The following BIN3 variants were observed in gnomAD, a reference collection of about 807,000 sequenced individuals.
BIN3 encodes bridging integrator 3.
A neutral mutation model predicts 38.2 loss-of-function variants in BIN3; 41 were observed. The ratio of observed to expected loss-of-function variants is 1.07; its 90% CI spans 0.84 to 1.39. The LOEUF is 1.39. BIN3 is among the 40% of genes most tolerant of loss of function. The probability of loss-of-function intolerance (pLI) is 0.00; values close to 1 mark genes in which losing one functional copy is unlikely to be tolerated. For missense variants in BIN3, 361 were observed against 324.3 expected (o/e 1.11, Z -0.87); for synonymous variants, 145 against 122.6 (o/e 1.18, Z -1.21).
intron 1 of BIN3, among the ~76,000 whole-genome samples, chr8:22,645,695 T>C (rs1257638193): frequency 6.6e-6 from 1 of 152,116 alleles, no homozygotes; most frequent in Non-Finnish European, 1.5e-5. Flanking sequence ...ACAGACTCAC[T>C]GTAATAGCTA....
intron 1 of BIN3, among the ~76,000 whole-genome samples, chr8:22,653,269 T>C (rs944681953): frequency 6.6e-6 from 1 of 152,244 alleles, no homozygotes; most frequent in Non-Finnish European, 1.5e-5. Flanking sequence ...TTTGCTCCTC[T>C]TCTTCATTAA....
At chr8:22,623,792 T>C (rs1801918070) in intron 8 of BIN3, 123 bp downstream of exon 8, 1 of 1,276,018 alleles carries the variant, frequency 7.8e-7, no homozygotes. Context: ...CCTTCAGGGC[T>C]TTGCCTGGGG....
chr8:22,658,927 G>A (rs1041202645), intron 1 of BIN3, among the ~76,000 whole-genome samples: 7 of 152,218 alleles, frequency 4.6e-5, no homozygotes, highest in South Asian at 4.1e-4. Flanking sequence ...GAAGGTGGGC[G>A]AGAGGCAGCA....
intron 1 of BIN3, among the ~76,000 whole-genome samples, chr8:22,658,813 G>T (rs1297487326): frequency 6.6e-6 from 1 of 152,240 alleles, no homozygotes; most frequent in South Asian, 2.1e-4. Flanking sequence ...GGTGAGAATG[G>T]AGGGAGGGCT....
At chr8:22,668,502 G>C in intron 1 of BIN3, among the ~76,000 whole-genome samples, 1 of 152,226 alleles carries the variant, frequency 6.6e-6, no homozygotes, top group East Asian at 1.9e-4. Flanking sequence ...TCCCACAGTG[G>C]AAGGGTGTGT....
intron 1 of BIN3, among the ~76,000 whole-genome samples, chr8:22,664,414 G>C (rs545504432): frequency 2.0e-4 from 31 of 152,308 alleles, no homozygotes; most frequent in African/African-American, 7.5e-4. Flanking sequence ...AGCTTGGTGT[G>C]TCCAAAGTCA....
At chr8:22,665,555 G>A (rs1036371458) in intron 1 of BIN3, among the ~76,000 whole-genome samples, 1 of 152,208 alleles carries the variant, frequency 6.6e-6, no homozygotes, top group Non-Finnish European at 1.5e-5. Flanking sequence ...AGCGTGGCCT[G>A]ACTCTTGAAG....
intron 1 of BIN3, among the ~76,000 whole-genome samples, chr8:22,648,999 G>C (rs1210136169): frequency 6.6e-6 from 1 of 152,018 alleles, no homozygotes; most frequent in Non-Finnish European, 1.5e-5. Flanking sequence ...AGTGCATCTT[G>C]TACATTTCCT....
rs955481461 is a variant in BIN3, at chr8:22,620,823, C to T, written c.*599G>A. 8 of 152,354 alleles carry T rather than the reference C, an allele frequency of 5.3e-5. No individual in the cohort carries two copies. The highest frequency in any genetic ancestry group is 1.9e-4 in the African/African-American group (8 of 41,454). The allele number at this position is 152,354 out of a possible 1,614,324, so 9.4% of individuals were successfully genotyped here. On this transcript the variant is annotated 3_prime_UTR_variant, in exon 9 of 9. Coordinates refer to ENST00000276416, the MANE Select transcript of BIN3 (RefSeq NM_018688.6). Reference sequence around the variant, plus strand: ...TGTGAATTCTTGTGGGACAGTTCCACTGACAGCTTGCGTTCCCGAGGTACC... The same window carrying T: ...TGTGAATTCTTGTGGGACAGTTCCATTGACAGCTTGCGTTCCCGAGGTACC...
At chr8:22,636,428 G>A in intron 4 of BIN3, 97 bp downstream of exon 4, 1 of 1,282,824 alleles carries the variant, frequency 7.8e-7, no homozygotes, top group Non-Finnish European at 1.1e-6. Context: ...CGTCCTCTGA[G>A]CGCAGCAACT....
chr8:22,661,352 C>CTTT (rs751194383), intron 1 of BIN3, among the ~76,000 whole-genome samples: 916 of 84,366 alleles, frequency 0.011, 208 homozygotes, highest in African/African-American at 0.041. Flanking sequence ...ATGTATCATT[C>CTTT]TTTTTTTTTT....
rs192331812 is a variant in BIN3, at chr8:22,621,797, C to T, written c.616-229G>A. 2.4e-4 allele frequency among the ~76,000 whole-genome samples: 36 copies of T among 152,180 alleles called. No individual in the cohort carries two copies. In the East Asian group the frequency reaches 5.2e-3, roughly 22 times the overall value. On this transcript the variant is annotated intron_variant, in intron 8 of 8. Coordinates refer to ENST00000276416, the MANE Select transcript of BIN3 (RefSeq NM_018688.6). ...GCTGGAGGTGGAGGCGCCCCTGCTT[C>T]GGGCTCCTGGTTCCCCCAGCAGCAG...
chr8:22,662,451 T>A (rs1803265905), intron 1 of BIN3, among the ~76,000 whole-genome samples: 1 of 152,256 alleles, frequency 6.6e-6, no homozygotes, highest in South Asian at 2.1e-4. Flanking sequence ...TTTGTTCACT[T>A]GGGTTTTCTT....
At chr8:22,666,491 G>A (rs907328685) in intron 1 of BIN3, among the ~76,000 whole-genome samples, 3 of 152,154 alleles carry the variant, frequency 2.0e-5, no homozygotes, top group African/African-American at 7.2e-5. Context: ...GATCTGAGAT[G>A]TGAATATCAA....
intron 1 of BIN3, among the ~76,000 whole-genome samples, chr8:22,661,103 T>A (rs1327164107): frequency 6.6e-6 from 1 of 152,124 alleles, no homozygotes; most frequent in Non-Finnish European, 1.5e-5. Context: ...CAGGTTAGTC[T>A]CCATCTCCTG....
intron 1 of BIN3, among the ~76,000 whole-genome samples, chr8:22,659,741 C>G (rs913507494): frequency 6.6e-6 from 1 of 152,324 alleles, no homozygotes; most frequent in East Asian, 1.9e-4. Context: ...AGACTCTGGG[C>G]AAGTGACCTC....
At chr8:22,646,856 T>C (rs373157000) in intron 1 of BIN3, among the ~76,000 whole-genome samples, 4 of 152,244 alleles carry the variant, frequency 2.6e-5, no homozygotes, top group East Asian at 1.9e-4. Flanking sequence ...CAGTGAGCAA[T>C]TGCCCTCAAG....
chr8:22,628,508 C>T (rs779982202), intron 6 of BIN3, among the ~76,000 whole-genome samples: 8 of 152,290 alleles, frequency 5.3e-5, no homozygotes, highest in South Asian at 2.1e-4. Context: ...GGATCCGCTG[C>T]GGAGATGTGC....
At chr8:22,621,814 C>CA (rs1563938399) in intron 8 of BIN3, among the ~76,000 whole-genome samples, 2 of 152,158 alleles carry the variant, frequency 1.3e-5, no homozygotes, top group African/African-American at 4.8e-5. Flanking sequence ...CTGGTTCCCC[C>CA]AGCAGCAGGT....
Sources: gnomAD v4.1 joint callset for allele counts (sites outside exome capture counted in the v4.1 genomes callset) on GRCh38, gnomAD v4.1.1 for gene constraint, MANE v1.5 for transcripts, NCBI Gene and HGNC (gene_info 2026-07-23, HGNC 2026-07-21) for gene names.